Variants in LRFN5 observed in about 807,000 individuals in gnomAD.
LRFN5 encodes leucine rich repeat and fibronectin type III domain containing 5.
LRFN5 carries 24 observed loss-of-function variants against 45.6 expected under a neutral mutation model. The observed-to-expected ratio is 0.53, with a 90% CI of 0.38 to 0.74. The LOEUF is 0.74. Ranked by LOEUF, LRFN5 falls within the 30% of genes least tolerant of loss-of-function variation. LRFN5 has a pLI of 0.00. For synonymous variants in LRFN5, 340 were observed against 313.8 expected (o/e 1.08, Z -0.88); for missense variants, 776 against 861.5 (o/e 0.90, Z 1.24).
intron 1 of LRFN5, among the ~76,000 whole-genome samples, chr14:41,680,133 C>T (rs1566618285): frequency 6.6e-6 from 1 of 152,274 alleles, no homozygotes; most frequent in South Asian, 2.1e-4. Context: ...AGGTTTACAA[C>T]TCCAGGCTCT....
intron 1 of LRFN5, among the ~76,000 whole-genome samples, chr14:41,698,133 A>G (rs918849575): frequency 6.6e-6 from 1 of 152,050 alleles, no homozygotes; most frequent in Non-Finnish European, 1.5e-5. Flanking sequence ...AATTTAAGAA[A>G]TGTGTAAAGC....
intron 2 of LRFN5, among the ~76,000 whole-genome samples, chr14:41,789,078 T>C (rs1886828923): frequency 6.6e-6 from 1 of 152,022 alleles, no homozygotes; most frequent in East Asian, 1.9e-4. Flanking sequence ...GTTTGAAGTT[T>C]CTAAATAAGT....
At chr14:41,792,117 A>G (rs1475941675) in intron 2 of LRFN5, among the ~76,000 whole-genome samples, 3 of 152,062 alleles carry the variant, frequency 2.0e-5, no homozygotes, top group African/African-American at 7.2e-5. Context: ...GACATCACAT[A>G]TCGGTAGGAC....
chr14:41,847,654 A>G (rs1889116415), intron 2 of LRFN5, among the ~76,000 whole-genome samples: 1 of 152,090 alleles, frequency 6.6e-6, no homozygotes, highest in African/African-American at 2.4e-5. Context: ...TGAGAAAATC[A>G]AAGTGAAGAA....
At position 41,796,906 on chromosome 14, in the gene LRFN5, A is replaced by G. The variant is rs144595163; in HGVS notation, c.-21+29877A>G. Among the ~76,000 whole-genome samples the G allele has an allele frequency of 4.8e-3, 725 of 151,932 alleles. 3 individuals carry two copies. The highest frequency in any genetic ancestry group is 4.8e-3 in the Non-Finnish European group (325 of 67,844). ...CATTAAAGGTTTTAAATATTTTTGT[A>G]ATATTTGCTTATGATTTTTATTTCT... On this transcript the variant is annotated intron_variant, in intron 2 of 5. Coordinates refer to ENST00000298119, the MANE Select transcript of LRFN5 (RefSeq NM_152447.5).
intron 5 of LRFN5, among the ~76,000 whole-genome samples, chr14:41,900,067 C>A (rs1403625519): frequency 6.6e-6 from 1 of 151,726 alleles, no homozygotes; most frequent in African/African-American, 2.4e-5. Flanking sequence ...ACTCTCTCTC[C>A]CTCTTTGCCT....
chr14:41,749,850 T>A (rs985273974), intron 1 of LRFN5, among the ~76,000 whole-genome samples: 1 of 152,112 alleles, frequency 6.6e-6, no homozygotes, highest in Non-Finnish European at 1.5e-5. Flanking sequence ...GAGAAAATTT[T>A]CATCCTAATG....
chr14:41,646,631 T>C (rs1357102049), intron 1 of LRFN5, among the ~76,000 whole-genome samples: 1 of 152,240 alleles, frequency 6.6e-6, no homozygotes, highest in African/African-American at 2.4e-5. Context: ...GCTCGCAACA[T>C]CATTTTACTT....
chr14:41,635,505 T>G (rs1879261276), intron 1 of LRFN5, among the ~76,000 whole-genome samples: 1 of 152,138 alleles, frequency 6.6e-6, no homozygotes, highest in African/African-American at 2.4e-5. Flanking sequence ...TCACTCGTGA[T>G]TCTAATCAAA....
intron 1 of LRFN5, among the ~76,000 whole-genome samples, chr14:41,749,940 T>G (rs925546283): frequency 5.9e-5 from 9 of 152,110 alleles, no homozygotes; most frequent in African/African-American, 2.2e-4. Flanking sequence ...CATATTTAAA[T>G]AAAATATCAA....
chr14:41,844,851 A>C lies in LRFN5; in HGVS notation c.-20-41755A>C, dbSNP rs533523946. ...TTGTATCATTTTCATATAGCTGTGA[A>C]TTGTTAAACAAGAGATTAAATTAGA... On this transcript the variant is annotated intron_variant, in intron 2 of 5. Transcript: ENST00000298119. 2.8e-4 allele frequency among the ~76,000 whole-genome samples: 42 copies of C among 152,290 alleles called. No homozygotes were observed. The South Asian group carries it at 8.5e-3, about 31-fold the overall frequency.
At chr14:41,858,335 C>G (rs1032093797) in intron 2 of LRFN5, among the ~76,000 whole-genome samples, 1 of 152,068 alleles carries the variant, frequency 6.6e-6, no homozygotes, top group Non-Finnish European at 1.5e-5. Flanking sequence ...ACCCCTTTCT[C>G]CAAGATAAAA....
intron 2 of LRFN5, among the ~76,000 whole-genome samples, chr14:41,856,607 A>ATCT (rs1181617141): frequency 6.7e-6 from 1 of 149,514 alleles, no homozygotes; most frequent in Non-Finnish European, 1.5e-5. Flanking sequence ...CATGTAAGGA[A>ATCT]TCTGAACTTG....
chr14:41,881,393 A>T (rs1890375094), intron 2 of LRFN5, among the ~76,000 whole-genome samples: 1 of 151,854 alleles, frequency 6.6e-6, no homozygotes, highest in South Asian at 2.1e-4. Context: ...TATGATGAGA[A>T]TTCAGTTGTA....
At chr14:41,755,921 G>A (rs960454483) in intron 1 of LRFN5, among the ~76,000 whole-genome samples, 22 of 152,130 alleles carry the variant, frequency 1.4e-4, no homozygotes, top group Non-Finnish European at 2.5e-4. Flanking sequence ...TCCTTTCCAC[G>A]TCTAGTGCTT....
At chr14:41,845,149 G>GATA (rs3985187) in intron 2 of LRFN5, among the ~76,000 whole-genome samples, 110,903 of 151,536 alleles carry the variant, frequency 0.73, 40,928 homozygotes, top group African/African-American at 0.83. Context: ...AACATGAGTA[G>GATA]ATAATAAATA....
intron 1 of LRFN5, among the ~76,000 whole-genome samples, chr14:41,747,907 C>G (rs1238309570): frequency 6.6e-6 from 1 of 151,958 alleles, no homozygotes; most frequent in African/African-American, 2.4e-5. Context: ...TAATAAAATG[C>G]CTAGCATCAA....
intron 2 of LRFN5, among the ~76,000 whole-genome samples, chr14:41,792,822 T>A (rs1457344324): frequency 6.6e-6 from 1 of 152,070 alleles, no homozygotes; most frequent in Non-Finnish European, 1.5e-5. Flanking sequence ...TGAGGTGACC[T>A]ATATCCTCAG....
intron 1 of LRFN5, among the ~76,000 whole-genome samples, chr14:41,756,605 C>T (rs1467688592): frequency 2.6e-5 from 4 of 152,194 alleles, no homozygotes; most frequent in Non-Finnish European, 4.4e-5. Context: ...TTTTCATCTC[C>T]ATCACGTCCT....
Sources: allele counts gnomAD v4.1 joint callset (sites outside exome capture counted in the v4.1 genomes callset), GRCh38; gene constraint gnomAD v4.1.1; transcripts MANE v1.5; gene names NCBI Gene and HGNC (gene_info 2026-07-23, HGNC 2026-07-21).